The following CERKL variants were observed in gnomAD, a reference collection of about 807,000 sequenced individuals.
CERKL encodes the protein CERK like autophagy regulator, also known as ceramide kinase-like protein.
In CERKL, 61 loss-of-function variants were observed where a neutral mutation model predicts 63.4. The ratio of observed to expected loss-of-function variants is 0.96; its 90% CI spans 0.78 to 1.19. The LOEUF is 1.19. CERKL is among the 50% of genes most tolerant of loss of function. CERKL has a pLI of 0.00. For missense variants in CERKL, 675 were observed against 655.5 expected, an observed-to-expected ratio of 1.03 and a Z score of -0.33; for synonymous variants, 250 against 230.5, an observed-to-expected ratio of 1.08 and a Z score of -0.77.
At chr2:181,621,562 C>T (rs1421106359) in intron 1 of CERKL, among the ~76,000 whole-genome samples, 7 of 152,156 alleles carry the variant, frequency 4.6e-5, no homozygotes, top group Non-Finnish European at 1.0e-4. Context: ...AGTGTGTCTC[C>T]ACTTTATAAT....
At chr2:181,643,079 A>C (rs1197315687) in intron 1 of CERKL, among the ~76,000 whole-genome samples, 1 of 152,164 alleles carries the variant, frequency 6.6e-6, no homozygotes, top group African/African-American at 2.4e-5. Flanking sequence ...CCTGATGTAA[A>C]ATACAACACC....
chr2:181,583,588 A>C (rs1684631438), intron 2 of CERKL, among the ~76,000 whole-genome samples: 2 of 152,238 alleles, frequency 1.3e-5, no homozygotes, highest in Admixed American at 6.5e-5. Context: ...AGTAGTGCTC[A>C]AAGTATGGTC....
At chr2:181,608,174 T>G (rs1196411848) in intron 1 of CERKL, among the ~76,000 whole-genome samples, 1 of 142,594 alleles carries the variant, frequency 7.0e-6, no homozygotes, top group South Asian at 2.1e-4. Flanking sequence ...CCAGCTCACT[T>G]TTTTTTTTTT....
At chr2:181,567,325 C>T (rs887745034) in intron 3 of CERKL, among the ~76,000 whole-genome samples, 1 of 152,060 alleles carries the variant, frequency 6.6e-6, no homozygotes, top group African/African-American at 2.4e-5. Context: ...CTTACATATA[C>T]ACATTAAAAA....
intron 1 of CERKL, among the ~76,000 whole-genome samples, chr2:181,643,680 G>GA (rs562568991): frequency 2.7e-4 from 41 of 152,330 alleles, no homozygotes; most frequent in African/African-American, 8.9e-4. Context: ...GAGGACTGAG[G>GA]AAAAGTGGAG....
At chr2:181,636,795 T>C (rs1427611221) in intron 1 of CERKL, among the ~76,000 whole-genome samples, 1 of 152,146 alleles carries the variant, frequency 6.6e-6, no homozygotes, top group East Asian at 1.9e-4. Flanking sequence ...TTTTCCTGAC[T>C]TCCCCCTCAG....
chr2:181,607,713 C>T (rs980143774), intron 1 of CERKL, among the ~76,000 whole-genome samples: 1 of 152,182 alleles, frequency 6.6e-6, no homozygotes, highest in Non-Finnish European at 1.5e-5. Context: ...GGAAGTCTTG[C>T]ACCCTTCCTC....
At chr2:181,639,409 A>G (rs1181931117) in intron 1 of CERKL, among the ~76,000 whole-genome samples, 1 of 152,140 alleles carries the variant, frequency 6.6e-6, no homozygotes, top group Non-Finnish European at 1.5e-5. Flanking sequence ...ACATTTGGGT[A>G]TGTTTGGTGG....
chr2:181,656,747 A>G (rs1231192451), intron 1 of CERKL, 22 bp downstream of exon 1: 13 of 1,563,750 alleles, frequency 8.3e-6, no homozygotes, highest in Non-Finnish European at 1.0e-5. Context: ...GGAGGCGAAG[A>G]CGCTTGGGGC....
intron 1 of CERKL, among the ~76,000 whole-genome samples, chr2:181,618,635 C>CA (rs1472142034): frequency 6.6e-6 from 1 of 152,068 alleles, no homozygotes; most frequent in Non-Finnish European, 1.5e-5. Flanking sequence ...TGGTCTCGAA[C>CA]TCCTGACCTC....
intron 2 of CERKL, among the ~76,000 whole-genome samples, chr2:181,586,641 T>C: frequency 6.6e-6 from 1 of 152,180 alleles, no homozygotes; most frequent in East Asian, 1.9e-4. Context: ...GCACGCCAGT[T>C]TGCAATGAAC....
rs760333240 is a variant in CERKL at position 181,603,816 on chromosome 2, T to C, written c.481+21A>G. 81 of 1,612,166 alleles carry C rather than the reference T, an allele frequency of 5.0e-5. No individual in the cohort carries two copies. The Admixed American group carries it at 5.5e-4, about 11-fold the overall frequency. On this transcript the variant is annotated intron_variant, in intron 2 of 12. Transcript: ENST00000410087. ...ATCAAGGAAACTGGGCTGATTAAAA[T>C]TTCCCATGAGGAGTACTTACCTGCC...
At chr2:181,538,977 A>AT (rs1024947165) in intron 12 of CERKL, 115 bp downstream of exon 12, 26 of 804,416 alleles carry the variant, frequency 3.2e-5, no homozygotes, top group African/African-American at 1.2e-4. Flanking sequence ...TGATTTACTG[A>AT]TTTTTTAAAA....
intron 5 of CERKL, 36 bp from the exon 6 acceptor site, chr2:181,549,744 T>C (rs1273679807): frequency 2.2e-6 from 3 of 1,358,414 alleles, no homozygotes; most frequent in Admixed American, 1.7e-5. Flanking sequence ...ACTATTAGGG[T>C]AGAATGTGTT....
At chr2:181,632,499 A>G in intron 1 of CERKL, among the ~76,000 whole-genome samples, 1 of 152,210 alleles carries the variant, frequency 6.6e-6, no homozygotes, top group East Asian at 1.9e-4. Flanking sequence ...TTGACTTATT[A>G]AAAAGAACAT....
chr2:181,636,439 T>C (rs1316237222), intron 1 of CERKL, among the ~76,000 whole-genome samples: 1 of 151,884 alleles, frequency 6.6e-6, no homozygotes, highest in Non-Finnish European at 1.5e-5. Flanking sequence ...TGGAGCCCAT[T>C]TATAATCTAT....
At chr2:181,586,515 C>T (rs1293996778) in intron 2 of CERKL, among the ~76,000 whole-genome samples, 1 of 152,098 alleles carries the variant, frequency 6.6e-6, no homozygotes, top group Non-Finnish European at 1.5e-5. Context: ...AAGCATCCCC[C>T]AAGTAGACAA....
At chr2:181,607,691 G>A (rs1559102830) in intron 1 of CERKL, among the ~76,000 whole-genome samples, 2 of 152,158 alleles carry the variant, frequency 1.3e-5, no homozygotes. Context: ...CAAAATGCTT[G>A]GGAGAGACCA....
chr2:181,602,771 CCTGTGCCATCTAACCCTAAA>C (rs933746497), intron 2 of CERKL, among the ~76,000 whole-genome samples: 4 of 152,184 alleles, frequency 2.6e-5, no homozygotes, highest in African/African-American at 9.7e-5. Flanking sequence ...CCATTTCTAT[CCTGTGCCATCTAACCCTAAA>C]CTGTGCCATC....
Sources: allele counts gnomAD v4.1 joint callset (sites outside exome capture counted in the v4.1 genomes callset), GRCh38; gene constraint gnomAD v4.1.1; transcripts MANE v1.5; gene names NCBI Gene and HGNC (gene_info 2026-07-23, HGNC 2026-07-21).